The following NASP variants were observed in gnomAD, a reference collection of about 807,000 sequenced individuals.
The protein encoded by NASP is nuclear autoantigenic sperm protein.
A neutral mutation model predicts 89.5 loss-of-function variants in NASP; 24 were observed. The ratio of observed to expected loss-of-function variants is 0.27; its 90% confidence interval spans 0.19 to 0.38. The LOEUF is 0.38. NASP is among the 10% of genes least tolerant of loss of function. The pLI is 1.00. For synonymous variants in NASP, 306 were observed against 324.7 expected (o/e 0.94, Z 0.62); for missense variants, 848 against 921.4 (o/e 0.92, Z 1.03).
intron 3 of NASP, among the ~76,000 whole-genome samples, chr1:45,603,455 C>T (rs1310353016): frequency 6.6e-5 from 10 of 152,168 alleles, no homozygotes; most frequent in Admixed American, 5.9e-4. Flanking sequence ...TCCTAAACCC[C>T]TACTGCCTCT....
intron 6 of NASP, chr1:45,609,212 C>T (rs1643961338): frequency 6.6e-6 from 1 of 152,196 alleles, no homozygotes; most frequent in Non-Finnish European, 1.5e-5. Flanking sequence ...TAAGTTTCAT[C>T]TAACATTGGC....
chr1:45,594,859 G>A, intron 2 of NASP: 1 of 336,110 alleles, frequency 3.0e-6, no homozygotes, highest in Non-Finnish European at 6.4e-6. Flanking sequence ...AGGATGGTTG[G>A]AAAACACATT....
At chr1:45,611,452 ATTACTT>A (rs1644006864) in intron 6 of NASP, 1 of 131,158 alleles carries the variant, frequency 7.6e-6, no homozygotes, top group African/African-American at 2.9e-5. Context: ...AGCCATCGCC[ATTACTT>A]TTTTTTTTTT....
intron 2 of NASP, among the ~76,000 whole-genome samples, chr1:45,595,229 G>C (rs1201069078): frequency 6.7e-6 from 1 of 149,228 alleles, no homozygotes; most frequent in Non-Finnish European, 1.5e-5. Flanking sequence ...GGCAGGTCTT[G>C]AACTTCTGCC....
At chr1:45,588,962 TG>T in intron 1 of NASP, 1 of 29,340 alleles carries the variant, frequency 3.4e-5, no homozygotes, top group Non-Finnish European at 6.7e-5. Flanking sequence ...GTCAAGTGTT[TG>T]TTTGTTTGTT....
At chr1:45,601,042 C>T (rs569264918) in intron 2 of NASP, among the ~76,000 whole-genome samples, 15 of 152,160 alleles carry the variant, frequency 9.9e-5, no homozygotes, top group South Asian at 6.2e-4. Flanking sequence ...TTTATTACTA[C>T]GTTCTAAGAG....
chr1:45,611,182 T>C (rs1026656964), intron 6 of NASP: 2 of 152,114 alleles, frequency 1.3e-5, no homozygotes, highest in Admixed American at 1.3e-4. Flanking sequence ...GATAGAAAAG[T>C]AAATACTTCA....
In NASP at chr1:45,608,398, T is replaced by G. The variant is rs947552995; in HGVS notation, c.1426+61T>G. The G allele has an allele frequency of 4.0e-6, 6 of 1,512,144 alleles. No individual in the cohort carries two copies. The African/African-American group carries it at 6.9e-5, about 17-fold the overall frequency. The allele number at this position is 1,512,144 out of a possible 1,614,324, so 93.7% of individuals were successfully genotyped here. A position where few individuals can be genotyped will look rare whatever the true frequency, so the allele number is the denominator to read the frequency against. On this transcript the variant is annotated intron_variant, in intron 6 of 14. Transcript: ENST00000350030. Reference sequence around the variant, plus strand: ...TACATTCTGGATTTGACTCACTAATTATGGGTAAAAGTCAGCCTTCCATTC... The same window carrying G: ...TACATTCTGGATTTGACTCACTAATGATGGGTAAAAGTCAGCCTTCCATTC...
At chr1:45,606,452 A>T in intron 4 of NASP, 30 bp from the exon 5 acceptor site, 1 of 1,550,764 alleles carries the variant, frequency 6.4e-7, no homozygotes, top group Non-Finnish European at 8.9e-7. Flanking sequence ...CTAGCCATCA[A>T]ACCTTTGGTG....
chr1:45,613,728 T>C (rs926892951), intron 7 of NASP, among the ~76,000 whole-genome samples: 19 of 152,140 alleles, frequency 1.2e-4, no homozygotes, highest in African/African-American at 4.6e-4. Context: ...CTTCAAGTTA[T>C]TCTCCTGCCT....
chr1:45,617,943 G>C (rs1644135242), intron 14 of NASP, 118 bp from the exon 15 acceptor site: 1 of 840,962 alleles, frequency 1.2e-6, no homozygotes, highest in Non-Finnish European at 1.9e-6. Flanking sequence ...TCTTAATATA[G>C]GGAGCAAAGC....
intron 11 of NASP, 94 bp from the exon 12 acceptor site, chr1:45,616,243 G>A: frequency 4.3e-6 from 5 of 1,164,428 alleles, no homozygotes; most frequent in South Asian, 1.2e-5. Context: ...TCAGGTCTTA[G>A]TCAGTTGTTT....
At chr1:45,614,433 C>T (rs932612596) in intron 9 of NASP, 67 bp downstream of exon 9, 15 of 1,249,816 alleles carry the variant, frequency 1.2e-5, no homozygotes, top group Middle Eastern at 3.7e-4. Flanking sequence ...CTAATAGATT[C>T]TCTGGAACCG....
chr1:45,615,106 A>G lies in NASP; in HGVS notation c.1760A>G (p.His587Arg). ...CACGACCGTCTCCTTGCAGAGACCCACTACCAGCTGGGCTTGGCTTATGGG... is the reference window on the plus strand; with the variant it reads ...CACGACCGTCTCCTTGCAGAGACCCGCTACCAGCTGGGCTTGGCTTATGGG... ...EAHDRLLAET[H>R]YQLGLAYGYN... Residue 587 changes from histidine to arginine, a missense_variant, in exon 10 of 15, where the codon CAC (histidine) becomes CGC (arginine). This residue lies in a region of NASP where 60 missense variants were observed against 114.6 expected (regional missense o/e 0.52). Coordinates refer to ENST00000350030, the MANE Select transcript of NASP (RefSeq NM_002482.4). The G allele has an allele frequency of 6.2e-7, 1 of 1,614,204 alleles. No homozygotes were observed. The highest frequency in any genetic ancestry group is 8.5e-7 in the Non-Finnish European group (1 of 1,180,034).
At chr1:45,616,294 G>A (rs377365995) in intron 11 of NASP, 43 bp from the exon 12 acceptor site, 2 of 1,589,668 alleles carry the variant, frequency 1.3e-6, no homozygotes, top group East Asian at 2.2e-5. Flanking sequence ...TGGGCGGCCT[G>A]GGTTCTATCT....
intron 1 of NASP, chr1:45,588,885 T>C (rs1297803486): frequency 8.6e-6 from 2 of 232,622 alleles, no homozygotes; most frequent in Non-Finnish European, 1.8e-5. Flanking sequence ...ATCGCGCCAC[T>C]GCACTCCAGC....
intron 2 of NASP, among the ~76,000 whole-genome samples, chr1:45,599,012 A>G (rs1643767817): frequency 6.6e-6 from 1 of 152,180 alleles, no homozygotes; most frequent in African/African-American, 2.4e-5. Flanking sequence ...CCATTAGCAA[A>G]TTTTAAAATA....
intron 1 of NASP, among the ~76,000 whole-genome samples, chr1:45,587,410 A>G (rs566416132): frequency 6.6e-6 from 1 of 151,596 alleles, no homozygotes; most frequent in East Asian, 1.9e-4. Context: ...ACCTCAGGTG[A>G]TCAGCCGGTC....
intron 2 of NASP, among the ~76,000 whole-genome samples, chr1:45,601,506 T>G (rs1643842247): frequency 6.6e-6 from 1 of 152,282 alleles, no homozygotes; most frequent in African/African-American, 2.4e-5. Flanking sequence ...TTTTGTACTC[T>G]GTGTTCTATT....
Sources: gnomAD v4.1 joint callset for allele counts (sites outside exome capture counted in the v4.1 genomes callset) on GRCh38, gnomAD v4.1.1 for gene constraint, gnomAD v4.1.1 regional missense constraint, MANE v1.5 for transcripts, NCBI Gene and HGNC (gene_info 2026-07-23, HGNC 2026-07-21) for gene names.